The following GHR variants were observed in gnomAD, a reference collection of about 807,000 sequenced individuals.
The protein encoded by GHR is GH receptor.
GHR carries 35 observed loss-of-function variants against 67.1 expected under a neutral mutation model. That is an observed-to-expected ratio of 0.52 (90% CI 0.40 to 0.69). The LOEUF is 0.69. Among genes scored for constraint, GHR ranks in the 30% least tolerant of loss-of-function variants. GHR has a pLI of 0.00. For synonymous variants in GHR, 272 were observed against 269.1 expected (o/e 1.01, Z -0.10); for missense variants, 792 against 764.6 (o/e 1.04, Z -0.42).
chr5:42,469,720 C>A (rs1392982734), intron 1 of GHR, among the ~76,000 whole-genome samples: 2 of 152,166 alleles, frequency 1.3e-5, no homozygotes, highest in African/African-American at 4.8e-5. Context: ...TCCCGTGACA[C>A]CTATATCACC....
chr5:42,474,338 A>AAAGAAAGAAAGAAAGC (rs370296727), intron 1 of GHR, among the ~76,000 whole-genome samples: 1 of 35,238 alleles, frequency 2.8e-5, no homozygotes. Context: ...AGAAAGAAAG[A>AAAGAAAGAAAGAAAGC]AAAGAAATAA....
rs1491156912 is a variant in GHR, at chr5:42,576,046, TAA to T, written c.70+10103_70+10104del. Among the ~76,000 whole-genome samples the T allele has an allele frequency of 7.8e-3, 437 of 55,958 alleles. 9 individuals are homozygous for T. Among genetic ancestry groups the T allele is most frequent in the African/African-American group, 0.028 (415 of 14,678 alleles). The allele number at this position is 55,958 out of a possible 152,430, so 36.7% of individuals were successfully genotyped here. A position where few individuals can be genotyped will look rare whatever the true frequency, so the allele number is the denominator to read the frequency against. On this transcript the variant is annotated intron_variant, in intron 2 of 9. Coordinates refer to ENST00000230882, the MANE Select transcript of GHR (RefSeq NM_000163.5). ...AACACTCTGTCTCAGAAAATTAAAA[TAA>T]TAAAATAAAATAAAATAAAATAAAA...
chr5:42,557,357 C>T (rs182055172), intron 1 of GHR, among the ~76,000 whole-genome samples: 35 of 152,240 alleles, frequency 2.3e-4, no homozygotes, highest in African/African-American at 7.5e-4. Flanking sequence ...TGCTCTACCA[C>T]ATGCCTAGAT....
chr5:42,701,687 G>A (rs1213685992), intron 6 of GHR, among the ~76,000 whole-genome samples: 5 of 152,050 alleles, frequency 3.3e-5, no homozygotes, highest in African/African-American at 4.8e-5. Context: ...TGCCTTTTTC[G>A]AAAATTTGTG....
chr5:42,571,779 T>A (rs1346761958), intron 2 of GHR, among the ~76,000 whole-genome samples: 1 of 152,226 alleles, frequency 6.6e-6, no homozygotes, highest in Non-Finnish European at 1.5e-5. Context: ...CCTGGTTATA[T>A]AATAGAATGT....
chr5:42,634,037 G>C (rs937697215), intron 3 of GHR, among the ~76,000 whole-genome samples: 2 of 152,006 alleles, frequency 1.3e-5, no homozygotes, highest in African/African-American at 4.8e-5. Flanking sequence ...CGCAGTTTAA[G>C]TACTCAGCCT....
At chr5:42,542,780 C>T (rs1372355323) in intron 1 of GHR, among the ~76,000 whole-genome samples, 4 of 151,986 alleles carry the variant, frequency 2.6e-5, no homozygotes. Flanking sequence ...TTTTATCCCT[C>T]AGCCACCCCT....
chr5:42,683,769 T>A (rs1207247801), intron 3 of GHR, among the ~76,000 whole-genome samples: 2 of 152,174 alleles, frequency 1.3e-5, no homozygotes, highest in Admixed American at 6.5e-5. Context: ...CTGCACAACA[T>A]CTGTATCGGA....
At chr5:42,667,474 G>A (rs1269738569) in intron 3 of GHR, among the ~76,000 whole-genome samples, 1 of 152,096 alleles carries the variant, frequency 6.6e-6, no homozygotes. Flanking sequence ...TCTAATAAGT[G>A]GTCCCCAATG....
At chr5:42,678,862 C>T (rs1380209954) in intron 3 of GHR, among the ~76,000 whole-genome samples, 1 of 151,148 alleles carries the variant, frequency 6.6e-6, no homozygotes, top group African/African-American at 2.4e-5. Flanking sequence ...AATTTTGAGA[C>T]ATTTTATTTT....
rs115486867 is a variant in GHR at position 42,491,312 on chromosome 5, T to C, written c.-12+67357T>C. 8.0e-3 allele frequency among the ~76,000 whole-genome samples: 1,213 copies of C among 152,328 alleles called. 23 individuals are homozygous for C. The highest frequency in any genetic ancestry group is 0.028 in the African/African-American group (1,161 of 41,564). On this transcript the variant is annotated intron_variant, in intron 1 of 9. Coordinates refer to ENST00000230882, the MANE Select transcript of GHR (RefSeq NM_000163.5). ...TCTATTAATATTCATTAAGTACTCATACAATATAAGCTGAGGAAACAAAGT... is the reference window on the plus strand; with the variant it reads ...TCTATTAATATTCATTAAGTACTCACACAATATAAGCTGAGGAAACAAAGT...
intron 1 of GHR, among the ~76,000 whole-genome samples, chr5:42,522,257 C>T (rs2112308545): frequency 6.6e-6 from 1 of 152,180 alleles, no homozygotes; most frequent in Non-Finnish European, 1.5e-5. Flanking sequence ...AGAAAAAAAT[C>T]ATATATCAAA....
At chr5:42,679,043 TAAC>T (rs1756709348) in intron 3 of GHR, among the ~76,000 whole-genome samples, 1 of 145,932 alleles carries the variant, frequency 6.9e-6, no homozygotes, top group South Asian at 2.1e-4. Flanking sequence ...TAATTTATAT[TAAC>T]AATATGTAAA....
intron 2 of GHR, among the ~76,000 whole-genome samples, chr5:42,571,412 T>C (rs1011583186): frequency 1.3e-5 from 2 of 152,220 alleles, no homozygotes; most frequent in Admixed American, 1.3e-4. Context: ...TGGACATGTG[T>C]GACTCTATCC....
intron 3 of GHR, among the ~76,000 whole-genome samples, chr5:42,688,352 A>G (rs574583827): frequency 6.6e-5 from 10 of 152,322 alleles, no homozygotes; most frequent in African/African-American, 2.4e-4. Context: ...AACATCTCTG[A>G]GGCACCCTTC....
chr5:42,651,019 GAT>G (rs1754996754), intron 3 of GHR, among the ~76,000 whole-genome samples: 1 of 152,124 alleles, frequency 6.6e-6, no homozygotes, highest in Admixed American at 6.6e-5. Flanking sequence ...AGGGAAAAGA[GAT>G]AATGGTAACG....
intron 1 of GHR, chr5:42,468,062 C>T: frequency 1.1e-6 from 1 of 904,920 alleles, no homozygotes; most frequent in South Asian, 1.6e-5. Flanking sequence ...TAATATGATG[C>T]GGGGGTTTTC....
intron 3 of GHR, among the ~76,000 whole-genome samples, chr5:42,658,569 A>C (rs1168173472): frequency 6.6e-6 from 1 of 152,222 alleles, no homozygotes; most frequent in Non-Finnish European, 1.5e-5. Context: ...ATGCAAATGT[A>C]ATCAGAGCAT....
intron 1 of GHR, among the ~76,000 whole-genome samples, chr5:42,535,210 C>T (rs995399746): frequency 2.0e-5 from 3 of 152,158 alleles, no homozygotes; most frequent in African/African-American, 7.2e-5. Flanking sequence ...CTTTTGCGTT[C>T]TTGGTCATGA....
Sources: gnomAD v4.1 joint callset for allele counts (sites outside exome capture counted in the v4.1 genomes callset) on GRCh38, gnomAD v4.1.1 for gene constraint, MANE v1.5 for transcripts, NCBI Gene and HGNC (gene_info 2026-07-23, HGNC 2026-07-21) for gene names.